GRHL2: variants seen among roughly 807,000 people sequenced by gnomAD.
GRHL2 encodes the protein grainyhead-like protein 2 homolog.
Under a neutral mutation model 83.8 loss-of-function variants are expected in GRHL2, and 21 were observed. The ratio of observed to expected loss-of-function variants is 0.25; its 90% CI spans 0.18 to 0.36. The LOEUF is 0.36. Ranked by LOEUF, GRHL2 falls within the 10% of genes least tolerant of loss-of-function variation. The pLI, the probability that GRHL2 is intolerant of heterozygous loss-of-function variation, is 1.00. For synonymous variants in GRHL2, 280 were observed against 278.9 expected, an observed-to-expected ratio of 1.00 and a Z score of -0.04; for missense variants, 623 against 781.8, an observed-to-expected ratio of 0.80 and a Z score of 2.42.
chr8:101,575,227 T>C (rs1322794404), intron 6 of GRHL2, among the ~76,000 whole-genome samples: 1 of 151,938 alleles, frequency 6.6e-6, no homozygotes, highest in Non-Finnish European at 1.5e-5. Context: ...TTAAGCCTTA[T>C]AAATTCCAAG....
At chr8:101,663,335 C>G (rs769002155) in intron 14 of GRHL2, among the ~76,000 whole-genome samples, 2 of 152,068 alleles carry the variant, frequency 1.3e-5, no homozygotes, top group Non-Finnish European at 1.5e-5. Context: ...AAAAATAGGC[C>G]GGGTGTGGTG....
chr8:101,651,192 C>T (rs1341826832), intron 14 of GRHL2, among the ~76,000 whole-genome samples: 2 of 152,178 alleles, frequency 1.3e-5, no homozygotes, highest in Non-Finnish European at 2.9e-5. Context: ...AATATTCAGA[C>T]CTCTCTGGAC....
chr8:101,597,532 G>A (rs1812415774), intron 7 of GRHL2, among the ~76,000 whole-genome samples: 2 of 152,118 alleles, frequency 1.3e-5, no homozygotes, highest in South Asian at 4.1e-4. Flanking sequence ...CCTTTGTAGG[G>A]ACATGGATGA....
intron 2 of GRHL2, among the ~76,000 whole-genome samples, chr8:101,549,710 C>G (rs1022547761): frequency 1.3e-5 from 2 of 152,196 alleles, no homozygotes; most frequent in African/African-American, 4.8e-5. Context: ...TCTCCCCCAA[C>G]TCATTCCTCA....
intron 1 of GRHL2, among the ~76,000 whole-genome samples, chr8:101,515,022 TTTCCTTCCTTCCTTCCTTCCATCC>T (rs1242912427): frequency 1.3e-5 from 2 of 148,224 alleles, no homozygotes; most frequent in Non-Finnish European, 3.0e-5. Context: ...CCCCCTTCAT[TTTCCTTCCTTCCTTCCTTCCATCC>T]TTCCTTCCTT....
In GRHL2 at chr8:101,619,642, G is replaced by A. The variant is rs201327204; in HGVS notation, c.1202G>A (p.Arg401His). The A allele has an allele frequency of 8.9e-5, 143 of 1,613,062 alleles. No individual in the cohort carries two copies. Among genetic ancestry groups the A allele is most frequent in the Non-Finnish European group, 1.1e-4 (132 of 1,179,168 alleles). Residue 401 changes from arginine (R) to histidine (H), a missense_variant, in exon 9 of 16, where the codon CGT becomes CAT. Physicochemically the swap from Arg to His is conservative, Grantham distance 29. This residue lies in a region of GRHL2 where 24 missense variants were observed against 25.5 expected (regional missense o/e 0.94). Coordinates refer to ENST00000646743, the MANE Select transcript of GRHL2 (RefSeq NM_024915.4). ...IQIDTYSYNN[R>H]SNKPIHRAYC... Reference sequence around the variant, plus strand: ...ATTGACACATACAGTTATAACAATCGTAGCAATAAACCCATTCATAGAGCT... The same window carrying A: ...ATTGACACATACAGTTATAACAATCATAGCAATAAACCCATTCATAGAGCT...
chr8:101,649,300 G>T, intron 13 of GRHL2, 114 bp from the exon 14 acceptor site: 1 of 785,110 alleles, frequency 1.3e-6, no homozygotes, highest in Non-Finnish European at 2.2e-6. Context: ...GGGTTCTGAG[G>T]CTTCGCAGGA....
At chr8:101,508,183 CT>C (rs113800610) in intron 1 of GRHL2, among the ~76,000 whole-genome samples, 33 of 152,260 alleles carry the variant, frequency 2.2e-4, no homozygotes, top group African/African-American at 7.9e-4. Flanking sequence ...AAGGTACGCA[CT>C]TTTTGAAGAC....
chr8:101,548,481 C>A (rs1302894890), intron 2 of GRHL2, among the ~76,000 whole-genome samples: 1 of 152,170 alleles, frequency 6.6e-6, no homozygotes, highest in Admixed American at 6.5e-5. Context: ...CTGTCACATG[C>A]ACAGACCAGG....
chr8:101,562,939 G>A (rs1586098151), intron 4 of GRHL2, among the ~76,000 whole-genome samples: 1 of 152,296 alleles, frequency 6.6e-6, no homozygotes, highest in East Asian at 1.9e-4. Flanking sequence ...TTAGCCTGCT[G>A]CCTATTTAAT....
At chr8:101,617,856 C>T (rs530877014) in intron 8 of GRHL2, among the ~76,000 whole-genome samples, 37 of 152,286 alleles carry the variant, frequency 2.4e-4, no homozygotes, top group African/African-American at 8.9e-4. Context: ...TCCTTGAGGG[C>T]TGCTCTCCAT....
chr8:101,562,168 T>C (rs188135672), intron 4 of GRHL2: 2 of 623,748 alleles, frequency 3.2e-6, no homozygotes, highest in Admixed American at 4.0e-5. Flanking sequence ...CTGTTCATTA[T>C]AAATTTAGCT....
chr8:101,619,916 A>G (rs1345637978), intron 9 of GRHL2, among the ~76,000 whole-genome samples: 1 of 118,720 alleles, frequency 8.4e-6, no homozygotes, highest in East Asian at 2.3e-4. Context: ...TATCATTTTT[A>G]TCACTAATTT....
intron 1 of GRHL2, among the ~76,000 whole-genome samples, chr8:101,513,366 C>T (rs765856805): frequency 7.2e-5 from 11 of 151,960 alleles, no homozygotes; most frequent in Non-Finnish European, 1.5e-4. Context: ...GGTATATAAC[C>T]CTTAGAACAG....
chr8:101,633,873 A>C, intron 11 of GRHL2, among the ~76,000 whole-genome samples: 1 of 152,202 alleles, frequency 6.6e-6, no homozygotes, highest in Non-Finnish European at 1.5e-5. Flanking sequence ...GTTTACTGTC[A>C]TAACTCTGGC....
intron 1 of GRHL2, among the ~76,000 whole-genome samples, chr8:101,505,596 A>G (rs1236140411): frequency 3.3e-5 from 5 of 151,236 alleles, no homozygotes; most frequent in African/African-American, 1.2e-4. Flanking sequence ...AAAAAAAAAA[A>G]ACAGTGTAAA....
intron 15 of GRHL2, among the ~76,000 whole-genome samples, chr8:101,665,573 A>C (rs1288229565): frequency 6.6e-6 from 1 of 152,176 alleles, no homozygotes; most frequent in Non-Finnish European, 1.5e-5. Flanking sequence ...TGACAGTGAG[A>C]TTTCAGTCGT....
downstream of GRHL2, among the ~76,000 whole-genome samples, chr8:101,671,393 G>T (rs182088645): frequency 1.3e-5 from 2 of 152,166 alleles, no homozygotes; most frequent in Non-Finnish European, 2.9e-5. Context: ...GGTCCTACGC[G>T]CATGGAGTCT....
At chr8:101,640,676 C>A (rs919976573) in intron 12 of GRHL2, among the ~76,000 whole-genome samples, 1 of 152,150 alleles carries the variant, frequency 6.6e-6, no homozygotes, top group African/African-American at 2.4e-5. Flanking sequence ...CGCTGAGGTC[C>A]TCTTTTTCCA....
Sources: allele counts gnomAD v4.1 joint callset (sites outside exome capture counted in the v4.1 genomes callset), GRCh38; gene constraint gnomAD v4.1.1; regional missense constraint gnomAD v4.1.1; transcripts MANE v1.5; gene names NCBI Gene and HGNC (gene_info 2026-07-23, HGNC 2026-07-21).